Variants in SNF8 observed in about 807,000 individuals in gnomAD.
SNF8 encodes SNF8 subunit of ESCRT-II, also known as vacuolar-sorting protein SNF8.
In SNF8, 19 loss-of-function variants were observed where a neutral mutation model predicts 36.8. That is an observed-to-expected ratio of 0.52 (90% CI 0.36 to 0.76). The LOEUF is 0.76. Ranked by LOEUF, SNF8 falls within the 30% of genes least tolerant of loss-of-function variation. SNF8 has a pLI of 0.00. For synonymous variants in SNF8, 127 were observed against 127.4 expected, an observed-to-expected ratio of 1.00 and a Z score of 0.02; for missense variants, 268 against 322.9, an observed-to-expected ratio of 0.83 and a Z score of 1.30.
intron 2 of SNF8, among the ~76,000 whole-genome samples, chr17:48,942,031 C>T (rs2041035587): frequency 6.6e-6 from 1 of 152,018 alleles, no homozygotes; most frequent in Non-Finnish European, 1.5e-5. Context: ...AAACAAAAAA[C>T]TTTTGAGTCA....
At chr17:48,943,617 AAAC>A (rs1465597389) in intron 2 of SNF8, among the ~76,000 whole-genome samples, 1 of 151,874 alleles carries the variant, frequency 6.6e-6, no homozygotes, top group African/African-American at 2.4e-5. Context: ...AAAAACAAAC[AAAC>A]AAACAAACAA....
At chr17:48,942,847 CTTT>C (rs71144543) in intron 2 of SNF8, among the ~76,000 whole-genome samples, 5 of 86,170 alleles carry the variant, frequency 5.8e-5, no homozygotes, top group African/African-American at 2.8e-4. Context: ...CGCACCCGGC[CTTT>C]TTTTTTTTTT....
chr17:48,933,845 G>A (rs2040896425), intron 5 of SNF8, among the ~76,000 whole-genome samples: 1 of 152,222 alleles, frequency 6.6e-6, no homozygotes, highest in Non-Finnish European at 1.5e-5. Flanking sequence ...CAGGCTGTCT[G>A]CTCAGCGAAC....
intron 3 of SNF8, among the ~76,000 whole-genome samples, chr17:48,940,187 C>T (rs994130006): frequency 6.6e-6 from 1 of 151,304 alleles, no homozygotes; most frequent in Non-Finnish European, 1.5e-5. Context: ...ACTATAGACA[C>T]ATGCCACCAC....
chr17:48,934,464 G>A lies in SNF8; in HGVS notation c.423-1118C>T, dbSNP rs577509064. Reference sequence around the variant, plus strand: ...CTAAAAATACAAGAACTAGCAGGGCGCCAGTGGCAGGTACCTGTAATCCCA... The same window carrying A: ...CTAAAAATACAAGAACTAGCAGGGCACCAGTGGCAGGTACCTGTAATCCCA... On this transcript the variant is annotated intron_variant, in intron 5 of 7. Transcript: ENST00000502492. 9.8e-4 allele frequency: 214 copies of A among 217,858 alleles called. 1 individual carries two copies. The highest frequency in any genetic ancestry group is 3.0e-3 in the African/African-American group (127 of 42,178). The allele number at this position is 217,858 out of a possible 1,614,324, so 13.5% of individuals were successfully genotyped here. A position where few individuals can be genotyped will look rare whatever the true frequency, so the allele number is the denominator to read the frequency against.
intron 5 of SNF8, among the ~76,000 whole-genome samples, chr17:48,933,879 C>T (rs994061655): frequency 2.6e-5 from 4 of 152,198 alleles, no homozygotes; most frequent in African/African-American, 9.6e-5. Flanking sequence ...ATCCAGACAG[C>T]GGTCAAAGAT....
At chr17:48,935,405 C>T (rs945272139) in intron 5 of SNF8, among the ~76,000 whole-genome samples, 5 of 150,486 alleles carry the variant, frequency 3.3e-5, no homozygotes, top group East Asian at 2.0e-4. Context: ...CCCAGCTACT[C>T]GGGAGGCTGA....
chr17:48,938,234 C>T (rs1220161688), intron 3 of SNF8, among the ~76,000 whole-genome samples: 3 of 152,124 alleles, frequency 2.0e-5, no homozygotes, highest in Non-Finnish European at 2.9e-5. Context: ...CAGTGGCTCA[C>T]GCCTGTAATC....
Position 48,940,979 on chromosome 17 carries a change from C to T in SNF8, c.189G>A (p.Glu63=), listed in dbSNP as rs1169452603. 1.2e-6 allele frequency: 2 copies of T among 1,613,330 alleles called. No homozygotes were observed. Among genetic ancestry groups the T allele is most frequent in the Non-Finnish European group, 1.7e-6 (2 of 1,180,028 alleles). ...KHKQEIRKNP[E]FRVQFQDMCA... The stretch of plus-strand genomic sequence containing the variant: ...ACATGTCCTGGAACTGCACACGGAA[C>T]TCAGGATTCTTCCGGATCTCCTGCT... Residue 63 remains glutamate, a synonymous_variant, in exon 3 of 8, where the codon GAG becomes GAA. Coordinates refer to ENST00000502492, the MANE Select transcript of SNF8 (RefSeq NM_007241.4).
intron 1 of SNF8, among the ~76,000 whole-genome samples, chr17:48,944,404 T>G (rs2041074589): frequency 6.6e-6 from 1 of 152,212 alleles, no homozygotes; most frequent in South Asian, 2.1e-4. Flanking sequence ...GTAAATTGTT[T>G]TCTTAGGGAG....
At chr17:48,943,196 G>A (rs569834731) in intron 2 of SNF8, among the ~76,000 whole-genome samples, 21 of 151,956 alleles carry the variant, frequency 1.4e-4, no homozygotes, top group Admixed American at 2.0e-4. Flanking sequence ...ATGGCCGGGC[G>A]CGGTGGCTCA....
intron 5 of SNF8, among the ~76,000 whole-genome samples, chr17:48,934,912 T>G (rs1390797732): frequency 6.6e-6 from 1 of 152,166 alleles, no homozygotes; most frequent in East Asian, 1.9e-4. Flanking sequence ...GCTGACTCTT[T>G]GGAAGTTACA....
At chr17:48,936,959 T>G (rs755999959) in intron 4 of SNF8, 61 bp downstream of exon 4, 2 of 1,211,024 alleles carry the variant, frequency 1.7e-6, no homozygotes, top group Non-Finnish European at 2.5e-6. Flanking sequence ...GATAATCTTT[T>G]ACGGTTTTCT....
intron 2 of SNF8, 104 bp from the exon 3 acceptor site, chr17:48,941,166 A>T (rs1228610058): frequency 7.8e-7 from 1 of 1,277,444 alleles, no homozygotes; most frequent in East Asian, 2.3e-5. Context: ...TGAAATAACC[A>T]GTCTCCCTCA....
intron 2 of SNF8, among the ~76,000 whole-genome samples, chr17:48,941,333 C>T (rs2041020208): frequency 6.6e-6 from 1 of 152,010 alleles, no homozygotes; most frequent in Non-Finnish European, 1.5e-5. Flanking sequence ...ATTTAATAAT[C>T]AAGGTGCACA....
In SNF8 at chr17:48,930,249, A is replaced by G. The variant is rs1001170548; in HGVS notation, c.*226T>C. On this transcript the variant is annotated 3_prime_UTR_variant, in exon 8 of 8. Transcript: ENST00000502492. Reference sequence around the variant, plus strand: ...GCAGATGACCTACAAAAATCATTTTATATGTGCTTGCCGTTCTCTGTGTTA... The same window carrying G: ...GCAGATGACCTACAAAAATCATTTTGTATGTGCTTGCCGTTCTCTGTGTTA... 21 of 387,358 alleles carry G rather than the reference A, an allele frequency of 5.4e-5. No homozygotes were observed. Among genetic ancestry groups the G allele is most frequent in the Admixed American group, 2.9e-4 (7 of 23,972 alleles). 24.0% of individuals were successfully genotyped at this position (387,358 alleles called of 1,614,324 possible). A position where few individuals can be genotyped will look rare whatever the true frequency, so the allele number is the denominator to read the frequency against.
chr17:48,932,599 C>T (rs1426251683), intron 6 of SNF8: 2 of 151,398 alleles, frequency 1.3e-5, no homozygotes, highest in Non-Finnish European at 2.9e-5. Context: ...ACTAAAAATA[C>T]AAAATTAGCT....
At chr17:48,938,608 G>A (rs1208174094) in intron 3 of SNF8, among the ~76,000 whole-genome samples, 19 of 152,000 alleles carry the variant, frequency 1.3e-4, no homozygotes, top group African/African-American at 3.6e-4. Flanking sequence ...AGTGGCTCAC[G>A]CCTGTAATCC....
At chr17:48,937,883 G>A (rs962423526) in intron 3 of SNF8, among the ~76,000 whole-genome samples, 2 of 151,754 alleles carry the variant, frequency 1.3e-5, no homozygotes, top group Non-Finnish European at 2.9e-5. Flanking sequence ...CCGGGATTAC[G>A]CCACTGCACT....
Sources: allele counts gnomAD v4.1 joint callset (sites outside exome capture counted in the v4.1 genomes callset), GRCh38; gene constraint gnomAD v4.1.1; transcripts MANE v1.5; gene names NCBI Gene and HGNC (gene_info 2026-07-23, HGNC 2026-07-21).